VRTN: variants seen among roughly 807,000 people sequenced by gnomAD.
VRTN encodes the protein vertnin.
VRTN carries 5 observed loss-of-function variants against 18.2 expected under a neutral mutation model. The observed-to-expected ratio is 0.27, with a 90% confidence interval of 0.14 to 0.58. The LOEUF (loss-of-function observed/expected upper bound fraction) is 0.58, where lower values mean the gene tolerates loss of function less well. VRTN is among the 20% of genes least tolerant of loss of function. VRTN has a pLI of 0.91. For synonymous variants in VRTN, 381 were observed against 393.7 expected (o/e 0.97, Z 0.38); for missense variants, 741 against 939.4 (o/e 0.79, Z 2.76).
chr14:74,323,672 A>G (rs2085469880), intron 1 of VRTN, among the ~76,000 whole-genome samples: 1 of 151,986 alleles, frequency 6.6e-6, no homozygotes, highest in Non-Finnish European at 1.5e-5. Flanking sequence ...AGTATGTCTG[A>G]GGTGGAGTCC....
chr14:74,333,945 C>A (rs1057499152), intron 1 of VRTN, among the ~76,000 whole-genome samples: 7 of 152,154 alleles, frequency 4.6e-5, no homozygotes, highest in South Asian at 2.1e-4. Flanking sequence ...TTTACATGCA[C>A]CATCTTATTT....
Position 74,358,413 on chromosome 14 carries a change from TG to T in VRTN, c.1632del (p.Trp544Ter). On this transcript the variant is annotated frameshift_variant, in exon 2 of 2. Coordinates refer to ENST00000256362, the MANE Select transcript of VRTN (RefSeq NM_018228.3). LOFTEE classifies it low-confidence loss of function (END_TRUNC). This position sits in a 1 kb window ranked among gnomAD's most constrained non-coding sequence, Gnocchi z 5.4. ...CCTGTCACCTTCTGCCTTTTGGGTC[TG>T]GAAGAGTCTTGCTCGGGGTTGGCCC... ...PSLSPSAFWV[W>X]KSLARGWPRG... The T allele has an allele frequency of 6.2e-7, 1 of 1,614,174 alleles. No homozygotes were observed. The highest frequency in any genetic ancestry group is 8.5e-7 in the Non-Finnish European group (1 of 1,180,038).
chr14:74,336,600 A>G (rs546030866), intron 1 of VRTN, among the ~76,000 whole-genome samples: 6 of 152,222 alleles, frequency 3.9e-5, no homozygotes, highest in Middle Eastern at 3.4e-3. Flanking sequence ...TAATTTGGCT[A>G]TCTTTCTGGG....
intron 1 of VRTN, among the ~76,000 whole-genome samples, chr14:74,320,843 C>T (rs2085451285): frequency 6.8e-6 from 1 of 147,966 alleles, no homozygotes; most frequent in South Asian, 2.2e-4. Flanking sequence ...GCCTTGGCCT[C>T]CCAAAGTGCT....
chr14:74,333,731 T>C (rs1300707006), intron 1 of VRTN, among the ~76,000 whole-genome samples: 1 of 150,962 alleles, frequency 6.6e-6, no homozygotes. Flanking sequence ...TTCCTGCTAC[T>C]CTGGAGGCTG....
At chr14:74,333,495 A>C (rs1280322248) in intron 1 of VRTN, among the ~76,000 whole-genome samples, 1 of 151,640 alleles carries the variant, frequency 6.6e-6, no homozygotes, top group East Asian at 1.9e-4. Context: ...CTCAAAAAGG[A>C]AAAAAGAAAA....
chr14:74,312,699 C>T (rs897543884), intron 1 of VRTN, among the ~76,000 whole-genome samples: 1 of 149,842 alleles, frequency 6.7e-6, no homozygotes, highest in African/African-American at 2.5e-5. Flanking sequence ...GATCTGCCTT[C>T]TTCACTCTCC....
intron 1 of VRTN, among the ~76,000 whole-genome samples, chr14:74,327,965 C>T (rs2085498282): frequency 6.6e-6 from 1 of 152,120 alleles, no homozygotes; most frequent in Non-Finnish European, 1.5e-5. Flanking sequence ...AGATGATCCA[C>T]CCACCTCAGC....
At position 74,357,337 on chromosome 14, in the gene VRTN, G is replaced by A. The variant is rs768205903; in HGVS notation, c.554G>A (p.Arg185Gln). ...HLYALASVLQ[R>Q]NIYSIYPMRN... is the part of the protein sequence containing the mutation. ...TATGCTCTCGCCTCTGTCCTCCAGC[G>A]GAACATCTACTCCATCTACCCCATG... The change falls in exon 2 of 2, where the codon CGG (arginine) becomes CAG (glutamine). Residue 185 changes from arginine (R) to glutamine (Q), a missense_variant. Arg to Gln is a conservative substitution (Grantham distance 43). Transcript: ENST00000256362. The surrounding 1 kb of genome is among the most constrained non-coding windows in gnomAD (Gnocchi z 7.8). The A allele has an allele frequency of 2.0e-5, 32 of 1,613,938 alleles. No individual in the cohort carries two copies. In the African/African-American group the frequency reaches 2.4e-4, roughly 12 times the overall value.
At chr14:74,343,956 C>T (rs1046678861), upstream of VRTN, among the ~76,000 whole-genome samples, 1 of 151,290 alleles carries the variant, frequency 6.6e-6, no homozygotes, top group African/African-American at 2.4e-5. Context: ...CCACCATGCC[C>T]GGCTTATTTT....
In VRTN at chr14:74,324,622, T is replaced by G. The variant is rs1194514988; in HGVS notation, c.-163-13101T>G. On this transcript the variant is annotated intron_variant, in intron 1 of 2. Transcript: ENST00000557177. ...TCTCATTCAGGCCGGGTGTGGTGGC[T>G]CACACCTGTAATCCCAGCACTTTGG... is the stretch of plus-strand genomic sequence containing the variant. Among the ~76,000 whole-genome samples the G allele has an allele frequency of 2.0e-5, 3 of 151,870 alleles. No homozygotes were observed. In the East Asian group the frequency reaches 5.8e-4, roughly 29 times the overall value.
Position 74,359,713 on chromosome 14 carries a change from C to G in VRTN, c.*821C>G, listed in dbSNP as rs1021757164. Reference sequence around the variant, plus strand: ...GGAGATCACTGAGGGGCTGGCCTGTCCCCTGCAAGGAGTGTGGGACCAGGT... The same window carrying G: ...GGAGATCACTGAGGGGCTGGCCTGTGCCCTGCAAGGAGTGTGGGACCAGGT... On this transcript the variant is annotated 3_prime_UTR_variant, in exon 2 of 2. Coordinates refer to ENST00000256362, the MANE Select transcript of VRTN (RefSeq NM_018228.3). The G allele has an allele frequency of 1.8e-5, 3 of 167,258 alleles. No individual in the cohort carries two copies. Among genetic ancestry groups the G allele is most frequent in the African/African-American group, 7.2e-5 (3 of 41,428 alleles). The allele number at this position is 167,258 out of a possible 1,614,324, so 10.4% of individuals were successfully genotyped here. A position where few individuals can be genotyped will look rare whatever the true frequency, so the allele number is the denominator to read the frequency against.
intron 1 of VRTN, among the ~76,000 whole-genome samples, chr14:74,329,502 A>ATTGACCCACC (rs1393934455): frequency 6.6e-6 from 1 of 151,808 alleles, no homozygotes; most frequent in Non-Finnish European, 1.5e-5. Flanking sequence ...GGGCTCAAGA[A>ATTGACCCACC]TTGACCCACC....
chr14:74,319,884 G>A (rs1485730123), intron 1 of VRTN, among the ~76,000 whole-genome samples: 1 of 152,136 alleles, frequency 6.6e-6, no homozygotes, highest in Admixed American at 6.6e-5. Context: ...AGATGGAGAA[G>A]GAGCAGCCAG....
chr14:74,322,569 A>T (rs527847613), intron 1 of VRTN, among the ~76,000 whole-genome samples: 1 of 152,180 alleles, frequency 6.6e-6, no homozygotes, highest in East Asian at 1.9e-4. Context: ...CCACTGAAGC[A>T]TATCCCCTGA....
chr14:74,349,940 T>TTG (rs2085673297), intron 1 of VRTN, among the ~76,000 whole-genome samples: 4 of 152,116 alleles, frequency 2.6e-5, no homozygotes, highest in Non-Finnish European at 5.9e-5. Flanking sequence ...CGAGTGTGCC[T>TTG]TGCCTCCTTG....
chr14:74,323,897 G>A (rs1380916716), intron 1 of VRTN, among the ~76,000 whole-genome samples: 3 of 152,034 alleles, frequency 2.0e-5, no homozygotes, highest in Non-Finnish European at 4.4e-5. Flanking sequence ...AATTTAACTG[G>A]GCTTCCTATA....
chr14:74,340,979 T>C (rs2085601751), intron 2 of VRTN, among the ~76,000 whole-genome samples: 1 of 152,110 alleles, frequency 6.6e-6, no homozygotes. Flanking sequence ...CCTGACCCTG[T>C]GATCCGCCTG....
chr14:74,351,510 T>G (rs1027203742), intron 1 of VRTN, among the ~76,000 whole-genome samples: 1 of 149,998 alleles, frequency 6.7e-6, no homozygotes, highest in South Asian at 2.1e-4. Context: ...TTTTTTTTTT[T>G]TTTTTTTTTT....
Sources: allele counts gnomAD v4.1 joint callset (sites outside exome capture counted in the v4.1 genomes callset), GRCh38; gene constraint gnomAD v4.1.1; non-coding constraint Gnocchi (gnomAD v3.1); transcripts MANE v1.5; gene names NCBI Gene and HGNC (gene_info 2026-07-23, HGNC 2026-07-21).